TMOD1: variants seen among roughly 807,000 people sequenced by gnomAD.
TMOD1 encodes the protein tropomodulin 1.
TMOD1 carries 17 observed loss-of-function variants against 40.6 expected under a neutral mutation model. The observed-to-expected ratio is 0.42, with a 90% CI of 0.29 to 0.63. The LOEUF (loss-of-function observed/expected upper bound fraction) is 0.63, where lower values mean the gene tolerates loss of function less well. Ranked by LOEUF, TMOD1 falls within the 20% of genes least tolerant of loss-of-function variation. TMOD1 has a pLI of 0.22. For missense variants in TMOD1, 391 were observed against 447.6 expected (o/e 0.87, Z 1.14); for synonymous variants, 181 against 175.0 (o/e 1.03, Z -0.27).
chr9:97,534,467 C>T (rs1322946857), intron 2 of TMOD1, among the ~76,000 whole-genome samples: 2 of 152,236 alleles, frequency 1.3e-5, no homozygotes, highest in East Asian at 3.8e-4. Context: ...CCTAGACACT[C>T]CCCAACTCTG....
chr9:97,600,401 GTTCT>G lies in TMOD1; in HGVS notation c.*706_*709del, dbSNP rs1376015851. On this transcript the variant is annotated 3_prime_UTR_variant, in exon 10 of 10. Coordinates refer to ENST00000259365, the MANE Select transcript of TMOD1 (RefSeq NM_003275.4). The stretch of plus-strand genomic sequence containing the variant: ...CCAGGCAACAAACATGTCCCTGAGT[GTTCT>G]TTAAGAACATTTGGGATTTATGTAC... 2 of 985,850 alleles carry G rather than the reference GTTCT, an allele frequency of 2.0e-6. No homozygotes were observed. Among genetic ancestry groups the G allele is most frequent in the Non-Finnish European group, 2.4e-6 (2 of 830,140 alleles). The allele number at this position is 985,850 out of a possible 1,614,324, so 61.1% of individuals were successfully genotyped here.
chr9:97,581,983 A>G (rs1412515587), intron 8 of TMOD1, among the ~76,000 whole-genome samples: 3 of 148,494 alleles, frequency 2.0e-5, no homozygotes, highest in South Asian at 2.1e-4. Context: ...TTTGCTGTGC[A>G]GAAGCTCTTT....
intron 2 of TMOD1, among the ~76,000 whole-genome samples, chr9:97,534,653 C>G (rs1830151897): frequency 6.6e-6 from 1 of 152,226 alleles, no homozygotes; most frequent in African/African-American, 2.4e-5. Flanking sequence ...AGACCACATT[C>G]TCTTAGCACT....
Position 97,530,581 on chromosome 9 carries a change from G to A in TMOD1, c.120+6273G>A, listed in dbSNP as rs201236779. On this transcript the variant is annotated intron_variant, in intron 2 of 9. Coordinates refer to ENST00000259365, the MANE Select transcript of TMOD1 (RefSeq NM_003275.4). ...CGGCTCCCTGCAAGCTCTGCCTCCC[G>A]GGTCCACGCCATTCTCCTTCCTCAG... 1.1e-4 allele frequency among the ~76,000 whole-genome samples: 16 copies of A among 149,672 alleles called. No homozygotes were observed. The East Asian group carries it at 2.0e-3, about 19-fold the overall frequency.
intron 1 of TMOD1, among the ~76,000 whole-genome samples, chr9:97,515,736 G>T (rs1479423780): frequency 6.6e-6 from 1 of 152,084 alleles, no homozygotes; most frequent in Non-Finnish European, 1.5e-5. Context: ...TTACACAGGG[G>T]ATCCTTAGGG....
chr9:97,510,056 C>T lies in TMOD1; in HGVS notation c.-49+8253C>T, dbSNP rs957611. Among the ~76,000 whole-genome samples, 150 of 152,056 alleles carry T rather than the reference C, an allele frequency of 9.9e-4. 1 individual carries two copies. Among genetic ancestry groups the T allele is most frequent in the African/African-American group, 3.5e-3 (144 of 41,460 alleles). The stretch of plus-strand genomic sequence containing the variant: ...GCAAATATATTTTCCCCCAGCTTGC[C>T]GTTTGCTTTTTGGTATTGTTCGTAT... On this transcript the variant is annotated intron_variant, in intron 1 of 9. Coordinates refer to ENST00000259365, the MANE Select transcript of TMOD1 (RefSeq NM_003275.4).
intron 8 of TMOD1, among the ~76,000 whole-genome samples, chr9:97,583,979 G>C (rs1387775834): frequency 2.0e-5 from 3 of 151,858 alleles, no homozygotes; most frequent in African/African-American, 7.3e-5. Flanking sequence ...TTTTTTGAAG[G>C]GTTTTTTTTG....
chr9:97,571,705 C>A (rs904878516), intron 8 of TMOD1, among the ~76,000 whole-genome samples: 3 of 152,224 alleles, frequency 2.0e-5, no homozygotes, highest in Non-Finnish European at 4.4e-5. Context: ...GCAAGAGGGG[C>A]AAGATTCAAA....
intron 9 of TMOD1, among the ~76,000 whole-genome samples, chr9:97,592,158 C>T (rs931650065): frequency 5.9e-5 from 9 of 151,862 alleles, no homozygotes; most frequent in East Asian, 3.9e-4. Context: ...TTGCAGATGC[C>T]GGTTGTTCAC....
chr9:97,559,295 G>A (rs539868130), intron 4 of TMOD1, among the ~76,000 whole-genome samples: 23 of 152,052 alleles, frequency 1.5e-4, no homozygotes, highest in Admixed American at 9.2e-4. Flanking sequence ...AAACCCACGA[G>A]AGCTTGAAAA....
At chr9:97,507,153 T>C (rs111247769) in intron 1 of TMOD1, among the ~76,000 whole-genome samples, 23 of 152,132 alleles carry the variant, frequency 1.5e-4, no homozygotes, top group African/African-American at 4.6e-4. Context: ...CAAGGGCTCT[T>C]TCTGGTCAGC....
chr9:97,503,269 G>A (rs1395231482), intron 1 of TMOD1, among the ~76,000 whole-genome samples: 2 of 152,138 alleles, frequency 1.3e-5, no homozygotes, highest in Non-Finnish European at 2.9e-5. Context: ...AGGCAGGTCC[G>A]GGAGCTCTGG....
intron 8 of TMOD1, among the ~76,000 whole-genome samples, chr9:97,572,987 A>C (rs1830844928): frequency 6.6e-6 from 1 of 152,242 alleles, no homozygotes; most frequent in Non-Finnish European, 1.5e-5. Context: ...CATCTAGCCC[A>C]GTCCTCCTTT....
intron 8 of TMOD1, among the ~76,000 whole-genome samples, chr9:97,573,851 A>AT (rs1285575070): frequency 6.6e-6 from 1 of 152,236 alleles, no homozygotes; most frequent in Non-Finnish European, 1.5e-5. Context: ...ACACAAAGTC[A>AT]TTTCCACCAT....
At chr9:97,578,742 G>A (rs756414638) in intron 8 of TMOD1, among the ~76,000 whole-genome samples, 5 of 152,162 alleles carry the variant, frequency 3.3e-5, no homozygotes, top group Non-Finnish European at 7.3e-5. Flanking sequence ...AGGTCGAATG[G>A]GGGCAATGCA....
chr9:97,589,326 GC>G (rs1314782656), intron 8 of TMOD1, among the ~76,000 whole-genome samples: 2 of 143,628 alleles, frequency 1.4e-5, no homozygotes, highest in African/African-American at 5.2e-5. Flanking sequence ...CTGTTGCCAG[GC>G]TGGAGTGCAG....
At chr9:97,537,274 G>A (rs776968802) in intron 2 of TMOD1, among the ~76,000 whole-genome samples, 40 of 152,334 alleles carry the variant, frequency 2.6e-4, no homozygotes, top group Non-Finnish European at 3.8e-4. Flanking sequence ...GCATGTGCAC[G>A]TGTGTGCATG....
intron 8 of TMOD1, among the ~76,000 whole-genome samples, chr9:97,586,959 C>T (rs904959719): frequency 6.6e-6 from 1 of 152,224 alleles, no homozygotes; most frequent in East Asian, 1.9e-4. Flanking sequence ...CAGAAATCAC[C>T]CGTCTTCTGC....
chr9:97,536,396 GGGAGGAGGGAAGA>G (rs1830185415), intron 2 of TMOD1, among the ~76,000 whole-genome samples: 1 of 152,096 alleles, frequency 6.6e-6, no homozygotes, highest in South Asian at 2.1e-4. Context: ...TGTTTGAAAT[GGGAGGAGGGAAGA>G]GGAGTCAGCT....
Sources: allele counts gnomAD v4.1 joint callset (sites outside exome capture counted in the v4.1 genomes callset), GRCh38; gene constraint gnomAD v4.1.1; transcripts MANE v1.5; gene names NCBI Gene and HGNC (gene_info 2026-07-23, HGNC 2026-07-21).